Variants in IL1RAPL1 observed in about 807,000 individuals in gnomAD.
IL1RAPL1 encodes the protein interleukin 1 receptor accessory protein like 1, also known as interleukin-1 receptor accessory protein-like 1.
In IL1RAPL1, 3 loss-of-function variants were observed where a neutral mutation model predicts 48.4. The observed-to-expected ratio is 0.06, with a 90% CI of 0.03 to 0.16. The LOEUF (loss-of-function observed/expected upper bound fraction) is 0.16, where lower values mean the gene tolerates loss of function less well. Ranked by LOEUF, IL1RAPL1 falls within the 10% of genes least tolerant of loss-of-function variation. The pLI is 1.00. For missense variants in IL1RAPL1, 349 were observed against 530.6 expected (o/e 0.66, Z 3.36); for synonymous variants, 185 against 187.7 (o/e 0.99, Z 0.12).
chrX:29,691,312 G>A (rs1201331971), intron 6 of IL1RAPL1, among the ~76,000 whole-genome samples: 2 of 111,558 alleles, frequency 1.8e-5, no homozygotes, highest in Non-Finnish European at 3.8e-5. Flanking sequence ...GATTTGAAAC[G>A]AAGGGGAATT....
chrX:29,087,247 C>T (rs1369462308), intron 2 of IL1RAPL1, among the ~76,000 whole-genome samples: 1 of 105,852 alleles, frequency 9.4e-6, no homozygotes, highest in Non-Finnish European at 1.9e-5. Flanking sequence ...AAGCGATTTT[C>T]CTGCCTCAGC....
intron 8 of IL1RAPL1, among the ~76,000 whole-genome samples, chrX:29,933,678 GAGA>G (rs1601890005): frequency 9.3e-6 from 1 of 107,172 alleles, no homozygotes; most frequent in Non-Finnish European, 1.9e-5. Context: ...AAAAAAGAGA[GAGA>G]AGACAAAAAA....
chrX:29,619,798 T>G (rs1490342078), intron 5 of IL1RAPL1, among the ~76,000 whole-genome samples: 1 of 111,942 alleles, frequency 8.9e-6, no homozygotes, highest in Non-Finnish European at 1.9e-5. Flanking sequence ...GTTTTTTTGT[T>G]AATACTTCAT....
rs1199720442 is a variant in IL1RAPL1, at chrX:28,769,153, A to ATG, written c.-24-20153_-24-20152dup. The stretch of plus-strand genomic sequence containing the variant: ...CCTATATGTGTGTGTGTTTGTGTGT[A>ATG]TGTGTGTGTGTGTGTATGAGTATAT... On this transcript the variant is annotated intron_variant, in intron 1 of 10. Coordinates refer to ENST00000378993, the MANE Select transcript of IL1RAPL1 (RefSeq NM_014271.4). Among the ~76,000 whole-genome samples, 38 of 106,830 alleles carry ATG rather than the reference A, an allele frequency of 3.6e-4. 1 individual carries two copies. The highest frequency in any genetic ancestry group is 5.1e-4 in the Non-Finnish European group (26 of 51,431). The allele number at this position is 106,830 out of a possible 115,157, so 92.8% of individuals were successfully genotyped here.
chrX:29,205,165 C>T (rs1185390560), intron 2 of IL1RAPL1, among the ~76,000 whole-genome samples: 1 of 111,286 alleles, frequency 9.0e-6, no homozygotes, highest in African/African-American at 3.3e-5. Context: ...TGAGGCCTAG[C>T]CGAGGAGAGA....
intron 5 of IL1RAPL1, among the ~76,000 whole-genome samples, chrX:29,461,130 A>G (rs1308727064): frequency 8.9e-6 from 1 of 111,836 alleles, no homozygotes; most frequent in Non-Finnish European, 1.9e-5. Context: ...ATTTGAATAG[A>G]CACTTCTCGC....
At chrX:28,609,090 T>A (rs1355995268) in intron 1 of IL1RAPL1, among the ~76,000 whole-genome samples, 1 of 112,202 alleles carries the variant, frequency 8.9e-6, no homozygotes, top group Non-Finnish European at 1.9e-5. Flanking sequence ...TAGCCCTTAA[T>A]GTAGAAAAAG....
At chrX:28,692,844 ATATT>A (rs1357143977) in intron 1 of IL1RAPL1, among the ~76,000 whole-genome samples, 1 of 111,567 alleles carries the variant, frequency 9.0e-6, no homozygotes, top group Non-Finnish European at 1.9e-5. Context: ...ATTTGCCTAT[ATATT>A]CTTTTTTTAC....
intron 6 of IL1RAPL1, among the ~76,000 whole-genome samples, chrX:29,707,607 A>G (rs766322283): frequency 8.9e-6 from 1 of 112,061 alleles, no homozygotes; most frequent in Admixed American, 9.5e-5. Context: ...ACTCAGCTCT[A>G]AAAAGGAATG....
intron 6 of IL1RAPL1, among the ~76,000 whole-genome samples, chrX:29,853,741 T>C (rs1451199437): frequency 8.9e-6 from 1 of 111,907 alleles, no homozygotes; most frequent in African/African-American, 3.3e-5. Context: ...TTCCTGATGG[T>C]GTAAAAGAAA....
At chrX:29,820,873 C>G (rs1299321641) in intron 6 of IL1RAPL1, among the ~76,000 whole-genome samples, 3 of 111,994 alleles carry the variant, frequency 2.7e-5, no homozygotes, top group Non-Finnish European at 5.6e-5. Flanking sequence ...TCTCAGCCAA[C>G]TAATTAAGTT....
chrX:28,875,557 T>C (rs1291084336), intron 2 of IL1RAPL1, among the ~76,000 whole-genome samples: 1 of 111,763 alleles, frequency 8.9e-6, no homozygotes, highest in Non-Finnish European at 1.9e-5. Flanking sequence ...CTGCTCCACA[T>C]CTCATGTTCA....
intron 6 of IL1RAPL1, among the ~76,000 whole-genome samples, chrX:29,835,877 C>CTTTTTTTTTT (rs763080058): frequency 5.9e-5 from 3 of 50,458 alleles, no homozygotes; most frequent in Non-Finnish European, 1.1e-4. Context: ...TTTGAGTCTT[C>CTTTTTTTTTT]TTTTTTTTTT....
intron 6 of IL1RAPL1, among the ~76,000 whole-genome samples, chrX:29,714,523 T>G (rs1368792352): frequency 1.8e-5 from 2 of 112,336 alleles, no homozygotes; most frequent in African/African-American, 6.5e-5. Context: ...TCTTACAGTT[T>G]GTGTTAACTC....
At chrX:29,383,273 A>T in intron 3 of IL1RAPL1, among the ~76,000 whole-genome samples, 1 of 112,212 alleles carries the variant, frequency 8.9e-6, no homozygotes, top group South Asian at 3.7e-4. Context: ...TTAGAATTTG[A>T]TGATCTGGTG....
chrX:29,138,669 C>T lies in IL1RAPL1; in HGVS notation c.83-144269C>T, dbSNP rs190743176. 1.2e-3 allele frequency among the ~76,000 whole-genome samples: 122 copies of T among 104,868 alleles called. 1 individual carries two copies. The East Asian group carries it at 0.027, about 23-fold the overall frequency. 91.1% of individuals were successfully genotyped at this position (104,868 alleles called of 115,157 possible). On this transcript the variant is annotated intron_variant, in intron 2 of 10. Coordinates refer to ENST00000378993, the MANE Select transcript of IL1RAPL1 (RefSeq NM_014271.4). ...ATGCGTGCCTGTAATCCCAATTACT[C>T]GGGAGGCTGTGGCAGGAGAATCGCT...
intron 2 of IL1RAPL1, among the ~76,000 whole-genome samples, chrX:29,076,826 A>ATCTATCTATCTG (rs1927687488): frequency 9.0e-6 from 1 of 110,685 alleles, no homozygotes; most frequent in African/African-American, 3.3e-5. Context: ...CTATCTATCT[A>ATCTATCTATCTG]TCTATCTAAA....
At chrX:29,040,107 G>C (rs1434351655) in intron 2 of IL1RAPL1, among the ~76,000 whole-genome samples, 1 of 112,353 alleles carries the variant, frequency 8.9e-6, no homozygotes, top group Non-Finnish European at 1.9e-5. Flanking sequence ...CATTTGAAAA[G>C]TCAGTTTAAT....
chrX:29,519,001 A>T (rs747816540), intron 5 of IL1RAPL1, among the ~76,000 whole-genome samples: 13 of 111,631 alleles, frequency 1.2e-4, no homozygotes, highest in Non-Finnish European at 1.5e-4. Flanking sequence ...GAACTTATTG[A>T]TGTCTTAAAA....
Sources: gnomAD v4.1 joint callset for allele counts (sites outside exome capture counted in the v4.1 genomes callset) on GRCh38, gnomAD v4.1.1 for gene constraint, MANE v1.5 for transcripts, NCBI Gene and HGNC (gene_info 2026-07-23, HGNC 2026-07-21) for gene names.